BFSP2: variants seen among roughly 807,000 people sequenced by gnomAD.
BFSP2 encodes the protein beaded filament structural protein 2.
A neutral mutation model predicts 44.9 loss-of-function variants in BFSP2; 38 were observed. The ratio of observed to expected loss-of-function variants is 0.85; its 90% confidence interval spans 0.65 to 1.11. The LOEUF is 1.11. BFSP2 is among the 50% of genes least tolerant of loss of function. The pLI is 0.00. For missense variants in BFSP2, 525 were observed against 533.0 expected (o/e 0.99, Z 0.15); for synonymous variants, 197 against 209.9 (o/e 0.94, Z 0.53).
intron 1 of BFSP2, among the ~76,000 whole-genome samples, chr3:133,408,717 T>C (rs1352771305): frequency 6.6e-6 from 1 of 152,220 alleles, no homozygotes; most frequent in African/African-American, 2.4e-5. Context: ...CTCCAGGATA[T>C]GTTATTGAGC....
intron 1 of BFSP2, among the ~76,000 whole-genome samples, chr3:133,424,228 T>TGTGTG (rs1307277640): frequency 7.7e-6 from 1 of 129,326 alleles, no homozygotes; most frequent in Non-Finnish European, 1.6e-5. Context: ...TTTTTTTTTT[T>TGTGTG]TTTTTTTTTT....
At chr3:133,420,575 A>ACT (rs1292380218) in intron 1 of BFSP2, among the ~76,000 whole-genome samples, 3 of 151,988 alleles carry the variant, frequency 2.0e-5, no homozygotes, top group African/African-American at 7.3e-5. Context: ...AGGTGAGAAT[A>ACT]CTCTGGTCTA....
At chr3:133,459,388 C>A (rs1300448938) in intron 4 of BFSP2, among the ~76,000 whole-genome samples, 1 of 152,154 alleles carries the variant, frequency 6.6e-6, no homozygotes, top group Non-Finnish European at 1.5e-5. Flanking sequence ...TAGAATTAGA[C>A]TCATTGCTGA....
At chr3:133,408,215 T>C (rs1253235801) in intron 1 of BFSP2, among the ~76,000 whole-genome samples, 1 of 152,206 alleles carries the variant, frequency 6.6e-6, no homozygotes, top group Non-Finnish European at 1.5e-5. Context: ...ATGTTAGAGA[T>C]ATGAACAGAC....
intron 1 of BFSP2, among the ~76,000 whole-genome samples, chr3:133,413,692 G>A (rs2073477696): frequency 6.6e-6 from 1 of 152,062 alleles, no homozygotes. Flanking sequence ...GCTGTCACAA[G>A]TGCATTATTC....
chr3:133,435,839 A>G lies in BFSP2; in HGVS notation c.490-11478A>G, dbSNP rs567855336. On this transcript the variant is annotated intron_variant, in intron 1 of 6. Coordinates refer to ENST00000302334, the MANE Select transcript of BFSP2 (RefSeq NM_003571.4). ...TGTAAACTGCTGATTTCTTTAGGGC[A>G]TTGTCCCCATAAACTTTTCATAAAG... 1.1e-4 allele frequency among the ~76,000 whole-genome samples: 16 copies of G among 152,236 alleles called. 1 individual carries two copies. Among genetic ancestry groups the G allele is most frequent in the African/African-American group, 2.9e-4 (12 of 41,526 alleles).
intron 1 of BFSP2, among the ~76,000 whole-genome samples, chr3:133,443,960 A>T (rs150112284): frequency 1.3e-5 from 2 of 152,268 alleles, no homozygotes; most frequent in African/African-American, 4.8e-5. Flanking sequence ...CACCACCACC[A>T]GCTCATTTAT....
chr3:133,435,838 C>T (rs1312847562), intron 1 of BFSP2, among the ~76,000 whole-genome samples: 2 of 152,154 alleles, frequency 1.3e-5, no homozygotes, highest in Non-Finnish European at 2.9e-5. Flanking sequence ...TTCTTTAGGG[C>T]ATTGTCCCCA....
At chr3:133,435,671 G>C (rs1458985484) in intron 1 of BFSP2, among the ~76,000 whole-genome samples, 2 of 152,198 alleles carry the variant, frequency 1.3e-5, no homozygotes, top group Non-Finnish European at 2.9e-5. Context: ...TATGTTTATG[G>C]TGTCAGCTAT....
rs1464501017 is a variant in BFSP2 at position 133,400,551 on chromosome 3, C to G, written c.468C>G (p.Ser156=). 6.2e-7 allele frequency: 1 copy of G among 1,609,378 alleles called. No homozygotes were observed. The highest frequency in any genetic ancestry group is 2.2e-5 in the East Asian group (1 of 44,728). The change falls in exon 1 of 7, where the codon TCC becomes TCG. Residue 156 remains serine, a synonymous_variant. Coordinates refer to ENST00000302334, the MANE Select transcript of BFSP2 (RefSeq NM_003571.4). This position sits in a 1 kb window ranked among gnomAD's most constrained non-coding sequence, Gnocchi z 4.0. ...RSGNWGALRA[S]WASSCQQVGE... is the part of the protein sequence containing the mutation. ...GAAACTGGGGTGCCCTACGGGCTTC[C>G]TGGGCCAGCAGCTGCCAGCAGGTAA...
At chr3:133,433,731 GCT>G (rs2073752674) in intron 1 of BFSP2, among the ~76,000 whole-genome samples, 1 of 152,060 alleles carries the variant, frequency 6.6e-6, no homozygotes, top group East Asian at 1.9e-4. Flanking sequence ...ATTTTTTCAG[GCT>G]CTTAGTATTC....
At chr3:133,428,650 G>C (rs942405566) in intron 1 of BFSP2, among the ~76,000 whole-genome samples, 2 of 150,448 alleles carry the variant, frequency 1.3e-5, no homozygotes, top group African/African-American at 4.9e-5. Flanking sequence ...GAAATATCTT[G>C]TCAGAGGAAA....
At chr3:133,427,434 C>T (rs1247990084) in intron 1 of BFSP2, among the ~76,000 whole-genome samples, 1 of 152,216 alleles carries the variant, frequency 6.6e-6, no homozygotes, top group African/African-American at 2.4e-5. Context: ...AAAGCAGAGC[C>T]AGGACTTGAA....
chr3:133,413,667 G>C (rs1041941083), intron 1 of BFSP2, among the ~76,000 whole-genome samples: 1 of 152,012 alleles, frequency 6.6e-6, no homozygotes, highest in African/African-American at 2.4e-5. Flanking sequence ...GGTTGTAAAC[G>C]AGCTAGTAGA....
intron 1 of BFSP2, among the ~76,000 whole-genome samples, chr3:133,434,412 G>C (rs940217771): frequency 1.3e-5 from 2 of 151,718 alleles, no homozygotes; most frequent in African/African-American, 4.9e-5. Flanking sequence ...CCCTAATCCC[G>C]CTCGAAGCAG....
chr3:133,406,574 G>A (rs1001035759), intron 1 of BFSP2, among the ~76,000 whole-genome samples: 14 of 152,218 alleles, frequency 9.2e-5, no homozygotes, highest in Non-Finnish European at 7.4e-5. Flanking sequence ...TCTACCAACC[G>A]TGTGATCTTG....
At chr3:133,403,816 G>GGAA (rs1189606997) in intron 1 of BFSP2, among the ~76,000 whole-genome samples, 1 of 152,084 alleles carries the variant, frequency 6.6e-6, no homozygotes, top group Non-Finnish European at 1.5e-5. Context: ...CCCACAGCCT[G>GGAA]TCTCACCCCC....
intron 1 of BFSP2, among the ~76,000 whole-genome samples, chr3:133,442,205 T>C (rs2073852236): frequency 6.6e-6 from 1 of 152,210 alleles, no homozygotes; most frequent in African/African-American, 2.4e-5. Flanking sequence ...AGTGGTGCAA[T>C]CATAGCTCAC....
At chr3:133,408,821 T>TG (rs55672423) in intron 1 of BFSP2, among the ~76,000 whole-genome samples, 46,582 of 152,128 alleles carry the variant, frequency 0.31, 8,369 homozygotes, top group East Asian at 0.42. Context: ...GTGTTTACAT[T>TG]GAAAAAATGG....
Sources: allele counts gnomAD v4.1 joint callset (sites outside exome capture counted in the v4.1 genomes callset), GRCh38; gene constraint gnomAD v4.1.1; non-coding constraint Gnocchi (gnomAD v3.1); transcripts MANE v1.5; gene names NCBI Gene and HGNC (gene_info 2026-07-23, HGNC 2026-07-21).